Variants in HDAC8 observed in about 807,000 individuals in gnomAD.
The protein encoded by HDAC8 is histone deacetylase 8, also known as histone deacetylase-like 1.
Under a neutral mutation model 32.2 loss-of-function variants are expected in HDAC8, and 1 was observed. The observed-to-expected ratio is 0.03, with a 90% CI of 0.01 to 0.15. The LOEUF (loss-of-function observed/expected upper bound fraction) is 0.15, where lower values mean the gene tolerates loss of function less well. Among genes scored for constraint, HDAC8 ranks in the 10% least tolerant of loss-of-function variants. HDAC8 has a pLI of 1.00. For synonymous variants in HDAC8, 108 were observed against 113.9 expected, an observed-to-expected ratio of 0.95 and a Z score of 0.33; for missense variants, 117 against 300.0, an observed-to-expected ratio of 0.39 and a Z score of 4.51.
intron 9 of HDAC8, among the ~76,000 whole-genome samples, chrX:72,381,455 A>G (rs2045265131): frequency 9.0e-6 from 1 of 111,647 alleles, no homozygotes; most frequent in Admixed American, 9.5e-5. Flanking sequence ...AATACTCTGC[A>G]TACGAAATCC....
intron 9 of HDAC8, 92 bp downstream of exon 9, chrX:72,461,912 C>T (rs1246867835): frequency 1.0e-5 from 6 of 601,010 alleles, no homozygotes; most frequent in East Asian, 3.3e-5. Flanking sequence ...CTCAACAAAA[C>T]GGTATTGAGT....
chrX:72,439,660 CAG>C (rs1316307473), intron 9 of HDAC8, among the ~76,000 whole-genome samples: 2 of 87,999 alleles, frequency 2.3e-5, no homozygotes, highest in Admixed American at 2.5e-4. Flanking sequence ...AAAAAAAAAG[CAG>C]GGGTTGCAAT....
chrX:72,488,905 T>G, intron 7 of HDAC8, 28 bp downstream of exon 7: 1 of 942,104 alleles, frequency 1.1e-6, no homozygotes, highest in Non-Finnish European at 1.5e-6. Context: ...TGCAATCCAC[T>G]TATTACTGGC....
chrX:72,438,188 T>C (rs1254021425), intron 9 of HDAC8, among the ~76,000 whole-genome samples: 2 of 112,047 alleles, frequency 1.8e-5, no homozygotes, highest in African/African-American at 6.5e-5. Context: ...CCGCTGGTGA[T>C]ACCCAGGCAA....
intron 9 of HDAC8, among the ~76,000 whole-genome samples, chrX:72,352,626 T>C (rs1030923244): frequency 2.7e-5 from 3 of 112,153 alleles, no homozygotes; most frequent in Non-Finnish European, 5.6e-5. Context: ...TTGCCTTGAA[T>C]TCCCTGGCCC....
At chrX:72,354,565 C>G (rs1013935466) in intron 9 of HDAC8, among the ~76,000 whole-genome samples, 2 of 112,285 alleles carry the variant, frequency 1.8e-5, no homozygotes, top group Non-Finnish European at 3.8e-5. Context: ...TTTTTCTAGA[C>G]TCTTGAGGCA....
intron 4 of HDAC8, among the ~76,000 whole-genome samples, chrX:72,514,824 T>C (rs2049730509): frequency 8.9e-6 from 1 of 111,849 alleles, no homozygotes; most frequent in African/African-American, 3.2e-5. Context: ...AGTCCAAAAA[T>C]TAGAATTTTA....
intron 7 of HDAC8, among the ~76,000 whole-genome samples, chrX:72,479,682 G>C (rs577485923): frequency 8.9e-6 from 1 of 112,347 alleles, no homozygotes; most frequent in African/African-American, 3.2e-5. Flanking sequence ...CAGGGTGGGA[G>C]GGACTGTCAT....
chrX:72,508,547 C>T (rs1351966685), intron 4 of HDAC8, among the ~76,000 whole-genome samples: 2 of 112,670 alleles, frequency 1.8e-5, no homozygotes, highest in Non-Finnish European at 3.7e-5. Flanking sequence ...CGTGTTGAAA[C>T]TTAAACACCA....
intron 9 of HDAC8, among the ~76,000 whole-genome samples, chrX:72,402,473 G>C (rs1474483526): frequency 1.2e-5 from 1 of 81,829 alleles, no homozygotes; most frequent in Non-Finnish European, 2.4e-5. Flanking sequence ...ATTTTTCTTT[G>C]TTTTAACATA....
At chrX:72,471,631 A>G (rs782364640) in intron 7 of HDAC8, among the ~76,000 whole-genome samples, 1 of 112,351 alleles carries the variant, frequency 8.9e-6, no homozygotes, top group Admixed American at 9.4e-5. Context: ...TCATGTGCTT[A>G]TTGGATATTT....
chrX:72,408,298 T>G (rs955094616), intron 9 of HDAC8, among the ~76,000 whole-genome samples: 3 of 111,997 alleles, frequency 2.7e-5, no homozygotes, highest in African/African-American at 3.2e-5. Context: ...GCTGTAGGAT[T>G]AAATATGGTG....
At chrX:72,472,639 G>A (rs2048219153) in intron 7 of HDAC8, among the ~76,000 whole-genome samples, 1 of 111,723 alleles carries the variant, frequency 9.0e-6, no homozygotes, top group African/African-American at 3.3e-5. Context: ...TTTCGAGATT[G>A]CTTTTGCTAT....
At position 72,572,823 on chromosome X, in the gene HDAC8, G is replaced by T. The variant is rs782745936; in HGVS notation, c.-62C>A. 104 of 954,120 alleles carry T rather than the reference G, an allele frequency of 1.1e-4. No homozygotes were observed. In the African/African-American group the frequency reaches 1.6e-3, roughly 15 times the overall value. The allele number at this position is 954,120 out of a possible 1,213,427, so 78.6% of individuals were successfully genotyped here. A position where few individuals can be genotyped will look rare whatever the true frequency, so the allele number is the denominator to read the frequency against. ...TCTGGCTTTTTTCGGACTCGGCCAG[G>T]GTTCCAGTTCCTGCTCCTCTGATCG... On this transcript the variant is annotated 5_prime_UTR_variant, in exon 1 of 11. Coordinates refer to ENST00000373573, the MANE Select transcript of HDAC8 (RefSeq NM_018486.3).
intron 7 of HDAC8, among the ~76,000 whole-genome samples, chrX:72,477,929 T>C (rs2048383292): frequency 8.9e-6 from 1 of 112,134 alleles, no homozygotes; most frequent in Non-Finnish European, 1.9e-5. Flanking sequence ...ATCTTCTCCA[T>C]ATGAAATCTC....
At chrX:72,478,878 A>G (rs2048418517) in intron 7 of HDAC8, among the ~76,000 whole-genome samples, 1 of 109,367 alleles carries the variant, frequency 9.1e-6, no homozygotes, top group Admixed American at 9.7e-5. Flanking sequence ...GCTGGTTTTG[A>G]ACTCCTGACT....
At chrX:72,442,699 T>C (rs1302085987) in intron 9 of HDAC8, among the ~76,000 whole-genome samples, 2 of 111,710 alleles carry the variant, frequency 1.8e-5, no homozygotes, top group African/African-American at 6.5e-5. Flanking sequence ...TAACTTTAAA[T>C]GTAAATGGAC....
chrX:72,560,354 T>C (rs1183479637), intron 4 of HDAC8, among the ~76,000 whole-genome samples: 1 of 109,261 alleles, frequency 9.2e-6, no homozygotes, highest in Non-Finnish European at 1.9e-5. Context: ...AAACAGATGC[T>C]TGAAGGCAGC....
chrX:72,440,816 G>T (rs1555981407), intron 9 of HDAC8, among the ~76,000 whole-genome samples: 1 of 112,123 alleles, frequency 8.9e-6, no homozygotes, highest in African/African-American at 3.2e-5. Flanking sequence ...TGGAAAATCG[G>T]GTCATTCCCA....
Sources: allele counts gnomAD v4.1 joint callset (sites outside exome capture counted in the v4.1 genomes callset), GRCh38; gene constraint gnomAD v4.1.1; transcripts MANE v1.5; gene names NCBI Gene and HGNC (gene_info 2026-07-23, HGNC 2026-07-21).